Variants in ELAPOR1 observed in about 807,000 individuals in gnomAD.
ELAPOR1 encodes endosome-lysosome associated apoptosis and autophagy regulator 1.
ELAPOR1 carries 77 observed loss-of-function variants against 119.7 expected under a neutral mutation model. The ratio of observed to expected loss-of-function variants is 0.64; its 90% CI spans 0.54 to 0.78. The LOEUF is 0.78. ELAPOR1 is among the 30% of genes least tolerant of loss of function. ELAPOR1 has a pLI of 0.00. For missense variants in ELAPOR1, 1,115 were observed against 1,270.4 expected (o/e 0.88, Z 1.86); for synonymous variants, 481 against 487.2 (o/e 0.99, Z 0.17).
At position 109,186,852 on chromosome 1, in the gene ELAPOR1, C is replaced by T. The variant is rs769916777; in HGVS notation, c.1042-1325C>T. On this transcript the variant is annotated intron_variant, in intron 8 of 21. Coordinates refer to ENST00000369939, the MANE Select transcript of ELAPOR1 (RefSeq NM_020775.5). ...GTACCGTGCTTGCTGCCTGAAAGCCCGGGTGTCTGCCTTGGCCTGACCACT... is the reference window on the plus strand; with the variant it reads ...GTACCGTGCTTGCTGCCTGAAAGCCTGGGTGTCTGCCTTGGCCTGACCACT... 5 of 985,412 alleles carry T rather than the reference C, an allele frequency of 5.1e-6. No homozygotes were observed. The African/African-American group carries it at 5.2e-5, about 10-fold the overall frequency. The allele number at this position is 985,412 out of a possible 1,614,324, so 61.0% of individuals were successfully genotyped here.
chr1:109,167,902 C>G (rs1280046892), intron 3 of ELAPOR1, among the ~76,000 whole-genome samples: 2 of 152,192 alleles, frequency 1.3e-5, no homozygotes, highest in African/African-American at 4.8e-5. Context: ...AGCCACTGCA[C>G]CCAGCCTCAT....
chr1:109,192,572 A>T, intron 13 of ELAPOR1, 39 bp from the exon 14 acceptor site: 1 of 1,606,232 alleles, frequency 6.2e-7, no homozygotes, highest in Non-Finnish European at 8.5e-7. Flanking sequence ...CTGCTGTCTC[A>T]GGCCTCTCCC....
At chr1:109,150,418 T>C (rs1324407606) in intron 1 of ELAPOR1, among the ~76,000 whole-genome samples, 1 of 152,154 alleles carries the variant, frequency 6.6e-6, no homozygotes, top group Non-Finnish European at 1.5e-5. Context: ...GGTCCAGGGA[T>C]TGAGGACGGC....
At chr1:109,182,541 A>G (rs1361095591) in intron 7 of ELAPOR1, among the ~76,000 whole-genome samples, 1 of 151,988 alleles carries the variant, frequency 6.6e-6, no homozygotes, top group Non-Finnish European at 1.5e-5. Flanking sequence ...TAAATGATGA[A>G]GCAGGATCCA....
intron 3 of ELAPOR1, among the ~76,000 whole-genome samples, chr1:109,166,915 G>A (rs542924024): frequency 3.3e-5 from 5 of 152,280 alleles, no homozygotes; most frequent in South Asian, 2.1e-4. Flanking sequence ...TCTAAAAACC[G>A]GGAGCAATGT....
At chr1:109,161,647 T>A (rs1430660867) in intron 1 of ELAPOR1, 2 of 339,162 alleles carry the variant, frequency 5.9e-6, no homozygotes, top group East Asian at 9.3e-5. Flanking sequence ...TACTTAAACA[T>A]AACAACAAAG....
chr1:109,188,139 C>G, intron 8 of ELAPOR1, 38 bp from the exon 9 acceptor site: 1 of 1,565,136 alleles, frequency 6.4e-7, no homozygotes, highest in Non-Finnish European at 8.7e-7. Context: ...TGTCCTAAAT[C>G]TCACACAGGC....
intron 1 of ELAPOR1, among the ~76,000 whole-genome samples, chr1:109,122,394 C>T (rs902553332): frequency 2.0e-5 from 3 of 150,424 alleles, no homozygotes; most frequent in African/African-American, 7.3e-5. Context: ...TGTAGTGGCT[C>T]GTCCCGGTAA....
intron 10 of ELAPOR1, 95 bp from the exon 11 acceptor site, chr1:109,189,497 G>T: frequency 8.7e-7 from 1 of 1,152,354 alleles, no homozygotes; most frequent in Non-Finnish European, 1.3e-6. Flanking sequence ...CGCCTCAAAA[G>T]ATGGTGTCAA....
At chr1:109,128,639 CA>C (rs995202061) in intron 1 of ELAPOR1, among the ~76,000 whole-genome samples, 3 of 152,150 alleles carry the variant, frequency 2.0e-5, no homozygotes, top group Non-Finnish European at 4.4e-5. Context: ...AAGAGGAGCT[CA>C]CTATTTCTAA....
intron 1 of ELAPOR1, among the ~76,000 whole-genome samples, chr1:109,120,079 C>T (rs148864150): frequency 2.5e-3 from 383 of 152,180 alleles, no homozygotes; most frequent in African/African-American, 8.6e-3. Context: ...GTGATTATAT[C>T]CTATGGGATT....
chr1:109,140,678 T>C (rs536108470), intron 1 of ELAPOR1, among the ~76,000 whole-genome samples: 1 of 152,268 alleles, frequency 6.6e-6, no homozygotes, highest in East Asian at 1.9e-4. Flanking sequence ...GATCTCAGGA[T>C]TGTATACAAG....
intron 3 of ELAPOR1, among the ~76,000 whole-genome samples, chr1:109,170,457 T>A (rs1282190347): frequency 6.6e-6 from 1 of 152,078 alleles, no homozygotes; most frequent in Non-Finnish European, 1.5e-5. Flanking sequence ...CAGAAGCAGA[T>A]AGAATCAAGG....
chr1:109,125,739 G>A (rs1226258377), intron 1 of ELAPOR1, among the ~76,000 whole-genome samples: 1 of 152,052 alleles, frequency 6.6e-6, no homozygotes, highest in Non-Finnish European at 1.5e-5. Context: ...CACTTCCTAG[G>A]GTGATAAGAA....
chr1:109,128,419 A>G (rs1480714080), intron 1 of ELAPOR1, among the ~76,000 whole-genome samples: 1 of 152,202 alleles, frequency 6.6e-6, no homozygotes, highest in African/African-American at 2.4e-5. Context: ...CTTGAAATCA[A>G]TTACTTTGAC....
rs1653459172 is a variant in ELAPOR1 at position 109,191,860 on chromosome 1, G to A, written c.1680G>A (p.Glu560=). The change falls in exon 13 of 22, where the codon GAG becomes GAA. Residue 560 remains glutamate (E), a synonymous_variant. Transcript: ENST00000369939. ...TWAFQRTTFH[E]ASRKYTNDVA... ...CCTTCCAGAGGACCACTTTTCATGAGGCAGTAAGTTCCTCCCCTTCCTCAG... is the reference window on the plus strand; with the variant it reads ...CCTTCCAGAGGACCACTTTTCATGAAGCAGTAAGTTCCTCCCCTTCCTCAG... 20 of 1,614,152 alleles carry A rather than the reference G, an allele frequency of 1.2e-5. No homozygotes were observed. The highest frequency in any genetic ancestry group is 1.7e-5 in the Non-Finnish European group (20 of 1,180,012).
chr1:109,172,286 C>A (rs1651971639), intron 4 of ELAPOR1, among the ~76,000 whole-genome samples: 1 of 152,184 alleles, frequency 6.6e-6, no homozygotes, highest in Non-Finnish European at 1.5e-5. Flanking sequence ...CAAGTTATTT[C>A]TTTGGTGTCA....
At chr1:109,118,743 A>G (rs893058864) in intron 1 of ELAPOR1, among the ~76,000 whole-genome samples, 2 of 152,114 alleles carry the variant, frequency 1.3e-5, no homozygotes, top group African/African-American at 4.8e-5. Context: ...ATGCAGAAAG[A>G]ACAGCTTTAG....
At chr1:109,192,223 GAAAT>G (rs1323936378) in intron 13 of ELAPOR1, among the ~76,000 whole-genome samples, 44 of 152,114 alleles carry the variant, frequency 2.9e-4, no homozygotes, top group Non-Finnish European at 1.5e-5. Flanking sequence ...ACAAAAATAA[GAAAT>G]AAAATCAGCC....
Sources: gnomAD v4.1 joint callset for allele counts (sites outside exome capture counted in the v4.1 genomes callset) on GRCh38, gnomAD v4.1.1 for gene constraint, MANE v1.5 for transcripts, NCBI Gene and HGNC (gene_info 2026-07-23, HGNC 2026-07-21) for gene names.